The following PCDH9 variants were observed in gnomAD, a reference collection of about 807,000 sequenced individuals.
The protein encoded by PCDH9 is protocadherin-9.
A neutral mutation model predicts 70.6 loss-of-function variants in PCDH9; 24 were observed. The observed-to-expected ratio is 0.34, with a 90% CI of 0.25 to 0.48. The LOEUF (loss-of-function observed/expected upper bound fraction) is 0.48, where lower values mean the gene tolerates loss of function less well. Among genes scored for constraint, PCDH9 ranks in the 20% least tolerant of loss-of-function variants. PCDH9 has a pLI of 0.99. For missense variants in PCDH9, 1,281 were observed against 1,503.6 expected, an observed-to-expected ratio of 0.85 and a Z score of 2.45; for synonymous variants, 562 against 558.5, an observed-to-expected ratio of 1.01 and a Z score of -0.09.
intron 3 of PCDH9, among the ~76,000 whole-genome samples, chr13:66,841,587 A>C (rs1184440119): frequency 6.6e-6 from 1 of 152,224 alleles, no homozygotes; most frequent in Non-Finnish European, 1.5e-5. Flanking sequence ...AATAATTTTA[A>C]AATGATGCCA....
chr13:67,166,019 A>T (rs1037866651), intron 2 of PCDH9, among the ~76,000 whole-genome samples: 5 of 152,196 alleles, frequency 3.3e-5, no homozygotes, highest in African/African-American at 1.2e-4. Context: ...GGCTTTCTAA[A>T]TCTTTTTTTC....
intron 3 of PCDH9, among the ~76,000 whole-genome samples, chr13:66,775,681 T>C (rs2079879336): frequency 6.6e-6 from 1 of 152,242 alleles, no homozygotes; most frequent in Non-Finnish European, 1.5e-5. Flanking sequence ...TTACTTTATA[T>C]TGTAGGAATA....
intron 3 of PCDH9, among the ~76,000 whole-genome samples, chr13:66,777,152 C>T (rs1258397798): frequency 2.0e-5 from 3 of 151,910 alleles, no homozygotes; most frequent in East Asian, 1.9e-4. Context: ...AAGACTTAAA[C>T]ATTAGACCTA....
intron 2 of PCDH9, among the ~76,000 whole-genome samples, chr13:66,918,676 C>A (rs763967192): frequency 6.0e-5 from 9 of 151,046 alleles, no homozygotes; most frequent in Non-Finnish European, 1.3e-4. Context: ...AATAGACCCA[C>A]TATTTTATAT....
intron 3 of PCDH9, among the ~76,000 whole-genome samples, chr13:66,718,594 A>C (rs546037749): frequency 6.6e-6 from 1 of 152,322 alleles, no homozygotes; most frequent in Admixed American, 6.5e-5. Context: ...AAAGGCAAAA[A>C]ATAAAAGGCA....
At chr13:67,167,274 C>T (rs546791432) in intron 2 of PCDH9, among the ~76,000 whole-genome samples, 6 of 152,188 alleles carry the variant, frequency 3.9e-5, no homozygotes, top group Admixed American at 2.0e-4. Context: ...AATTGCGTGC[C>T]TCTCAGCAAA....
chr13:66,534,293 T>C lies in PCDH9; in HGVS notation c.3340+96917A>G, dbSNP rs117250398. 3.3e-4 allele frequency among the ~76,000 whole-genome samples: 50 copies of C among 152,278 alleles called. No homozygotes were observed. The East Asian group carries it at 7.5e-3, about 23-fold the overall frequency. ...TTAAAGTTATTGTCTTAGTTCAGGC[T>C]GCTATAACAAAGTACTATAGACTAG... On this transcript the variant is annotated intron_variant, in intron 4 of 4. Transcript: ENST00000377865.
chr13:66,720,903 G>A (rs745529657), intron 3 of PCDH9, among the ~76,000 whole-genome samples: 6 of 152,066 alleles, frequency 3.9e-5, no homozygotes, highest in African/African-American at 7.2e-5. Flanking sequence ...GTGGGTATAC[G>A]CAGGGGAAAA....
chr13:67,089,446 T>A (rs2086173082), intron 2 of PCDH9, among the ~76,000 whole-genome samples: 1 of 152,030 alleles, frequency 6.6e-6, no homozygotes, highest in South Asian at 2.1e-4. Flanking sequence ...ACAAGTTTCA[T>A]TCAATTCATT....
chr13:66,475,515 T>A (rs946781009), intron 4 of PCDH9, among the ~76,000 whole-genome samples: 3 of 152,126 alleles, frequency 2.0e-5, no homozygotes, highest in African/African-American at 7.2e-5. Context: ...TAACATACTA[T>A]TTTTTACAGC....
At chr13:66,348,946 T>G (rs1566259809) in intron 4 of PCDH9, among the ~76,000 whole-genome samples, 2 of 152,152 alleles carry the variant, frequency 1.3e-5, no homozygotes, top group Non-Finnish European at 2.9e-5. Context: ...AATTTTAGCC[T>G]AGGATTTAAG....
intron 4 of PCDH9, among the ~76,000 whole-genome samples, chr13:66,463,299 C>T (rs1958457871): frequency 6.6e-6 from 1 of 151,834 alleles, no homozygotes; most frequent in South Asian, 2.1e-4. Flanking sequence ...AAAGGTCTCC[C>T]TTTCTTTTTC....
intron 3 of PCDH9, among the ~76,000 whole-genome samples, chr13:66,803,344 C>T (rs1476590032): frequency 6.6e-6 from 1 of 152,128 alleles, no homozygotes; most frequent in South Asian, 2.1e-4. Context: ...AAGTAACCAC[C>T]AGGTCAAAAG....
intron 4 of PCDH9, among the ~76,000 whole-genome samples, chr13:66,373,315 T>G (rs1956691883): frequency 6.6e-6 from 1 of 151,900 alleles, no homozygotes; most frequent in Non-Finnish European, 1.5e-5. Context: ...AGTAGAATGA[T>G]GATTGCCAGT....
chr13:66,961,695 G>A (rs2083348363), intron 2 of PCDH9, among the ~76,000 whole-genome samples: 1 of 152,124 alleles, frequency 6.6e-6, no homozygotes, highest in African/African-American at 2.4e-5. Context: ...TCAATTTTTT[G>A]GTTAGAATGA....
intron 4 of PCDH9, among the ~76,000 whole-genome samples, chr13:66,568,524 AAAG>A (rs1408320977): frequency 1.6e-3 from 247 of 151,440 alleles, no homozygotes; most frequent in Non-Finnish European, 2.6e-3. Context: ...AAAAAAAAAA[AAAG>A]AAAGAAAGAA....
chr13:66,357,945 G>A (rs9805874), intron 4 of PCDH9, among the ~76,000 whole-genome samples: 10 of 34,440 alleles, frequency 2.9e-4, no homozygotes, highest in South Asian at 2.3e-3. Flanking sequence ...TGCAGAAAGC[G>A]CACAGAATTT....
chr13:67,001,122 G>C (rs1351088022), intron 2 of PCDH9, among the ~76,000 whole-genome samples: 1 of 152,158 alleles, frequency 6.6e-6, no homozygotes, highest in South Asian at 2.1e-4. Context: ...ACAGAAGTAA[G>C]TGTGTCTGAT....
chr13:66,840,997 C>T (rs771646378), intron 3 of PCDH9, among the ~76,000 whole-genome samples: 4 of 152,116 alleles, frequency 2.6e-5, no homozygotes, highest in Non-Finnish European at 5.9e-5. Context: ...AACGGTACCT[C>T]GGTGGCTTGT....
Sources: allele counts gnomAD v4.1 joint callset (sites outside exome capture counted in the v4.1 genomes callset), GRCh38; gene constraint gnomAD v4.1.1; transcripts MANE v1.5; gene names NCBI Gene and HGNC (gene_info 2026-07-23, HGNC 2026-07-21).